Variants in COL5A2 observed in about 807,000 individuals in gnomAD.
COL5A2 encodes the protein collagen type V alpha 2 chain, also known as collagen alpha-2(V) chain.
COL5A2 carries 23 observed loss-of-function variants against 208.2 expected under a neutral mutation model. The ratio of observed to expected loss-of-function variants is 0.11; its 90% CI spans 0.08 to 0.16. The LOEUF (loss-of-function observed/expected upper bound fraction) is 0.16. Ranked by LOEUF, COL5A2 falls within the 10% of genes least tolerant of loss-of-function variation. The pLI, the probability that COL5A2 is intolerant of heterozygous loss-of-function variation, is 1.00. For synonymous variants in COL5A2, 625 were observed against 628.5 expected (o/e 0.99, Z 0.08); for missense variants, 1,590 against 1,956.4 (o/e 0.81, Z 3.53).
At chr2:189,035,185 C>A in intron 52 of COL5A2, 30 bp from the exon 53 acceptor site, 1 of 1,613,318 alleles carries the variant, frequency 6.2e-7, no homozygotes, top group Non-Finnish European at 8.5e-7. Flanking sequence ...TTGTCATACA[C>A]AAGACTGAAG....
the COL5A2 span, among the ~76,000 whole-genome samples, chr2:189,371,302 A>C: frequency 6.6e-6 from 1 of 152,162 alleles, no homozygotes; most frequent in Non-Finnish European, 1.5e-5. Context: ...GCAAAAACTG[A>C]CTAACATGGA....
chr2:189,217,571 G>T (rs1576588855), intron 1 of COL5A2, among the ~76,000 whole-genome samples: 1 of 152,216 alleles, frequency 6.6e-6, no homozygotes, highest in East Asian at 1.9e-4. Flanking sequence ...CCTAGTGTGG[G>T]AATGGCTTCC....
At chr2:189,378,492 A>C in the COL5A2 span, among the ~76,000 whole-genome samples, 1 of 152,158 alleles carries the variant, frequency 6.6e-6, no homozygotes, top group African/African-American at 2.4e-5. Context: ...TGGGAGGCCG[A>C]GGCGGGAGGA....
the COL5A2 span, among the ~76,000 whole-genome samples, chr2:189,252,554 T>C: frequency 7.8e-4 from 118 of 151,964 alleles, no homozygotes; most frequent in South Asian, 4.2e-4. Context: ...CAGGTGGGAA[T>C]TGAACAGTGA....
the COL5A2 span, among the ~76,000 whole-genome samples, chr2:189,313,392 T>C: frequency 6.6e-6 from 1 of 152,198 alleles, no homozygotes; most frequent in Non-Finnish European, 1.5e-5. Context: ...AAGCAAATGC[T>C]GAGAGAACTT....
chr2:189,282,728 T>C, the COL5A2 span, among the ~76,000 whole-genome samples: 1 of 152,186 alleles, frequency 6.6e-6, no homozygotes, highest in African/African-American at 2.4e-5. Context: ...TCTGTCTACA[T>C]TGATGCCTGG....
intron 1 of COL5A2, among the ~76,000 whole-genome samples, chr2:189,122,913 A>G (rs939874343): frequency 2.0e-5 from 3 of 152,180 alleles, no homozygotes; most frequent in African/African-American, 7.2e-5. Context: ...AAGCCACGAG[A>G]CACTAGGTAG....
At chr2:189,097,168 A>T in intron 6 of COL5A2, 109 bp downstream of exon 6, 2 of 966,852 alleles carry the variant, frequency 2.1e-6, no homozygotes, top group Non-Finnish European at 3.3e-6. Context: ...TGTAAAATTT[A>T]ATGGAGGTGA....
At chr2:189,218,244 T>G (rs537752150) in intron 1 of COL5A2, among the ~76,000 whole-genome samples, 114 of 152,302 alleles carry the variant, frequency 7.5e-4, no homozygotes, top group African/African-American at 2.6e-3. Flanking sequence ...GAATGTGACC[T>G]TATTTAGAAA....
chr2:189,258,634 G>C, the COL5A2 span, among the ~76,000 whole-genome samples: 1 of 152,148 alleles, frequency 6.6e-6, no homozygotes, highest in African/African-American at 2.4e-5. Context: ...AAGATTGTAA[G>C]GAATATGATG....
chr2:189,114,165 G>T (rs1188720287), intron 1 of COL5A2, among the ~76,000 whole-genome samples: 2 of 152,140 alleles, frequency 1.3e-5, no homozygotes, highest in African/African-American at 4.8e-5. Flanking sequence ...GCAAGGAGAC[G>T]AAAAACCACA....
the COL5A2 span, among the ~76,000 whole-genome samples, chr2:189,426,146 A>T: frequency 6.6e-6 from 1 of 152,190 alleles, no homozygotes; most frequent in Non-Finnish European, 1.5e-5. Flanking sequence ...AAGACAAGGG[A>T]AAGTTTGGAA....
At chr2:189,340,918 A>C in the COL5A2 span, among the ~76,000 whole-genome samples, 1 of 152,238 alleles carries the variant, frequency 6.6e-6, no homozygotes, top group African/African-American at 2.4e-5. Flanking sequence ...ACAGAATTAC[A>C]GGTCATTGTA....
the COL5A2 span, among the ~76,000 whole-genome samples, chr2:189,437,537 T>C: frequency 6.6e-6 from 1 of 152,212 alleles, no homozygotes; most frequent in Non-Finnish European, 1.5e-5. Context: ...GGTTTAATCA[T>C]AGCCAAAACA....
intron 1 of COL5A2, among the ~76,000 whole-genome samples, chr2:189,214,118 G>A (rs578018350): frequency 6.6e-6 from 1 of 152,002 alleles, no homozygotes; most frequent in South Asian, 2.1e-4. Flanking sequence ...TATGTAAAAT[G>A]GCATATTAAA....
At chr2:189,343,173 T>TA in the COL5A2 span, among the ~76,000 whole-genome samples, 3,656 of 151,870 alleles carry the variant, frequency 0.024, 158 homozygotes, top group African/African-American at 0.084. Context: ...TCTCTCGTGT[T>TA]AAAAAAAACA....
At chr2:189,229,876 C>A (rs1301631470), upstream of COL5A2, among the ~76,000 whole-genome samples, 1 of 151,660 alleles carries the variant, frequency 6.6e-6, no homozygotes, top group Non-Finnish European at 1.5e-5. Flanking sequence ...GCCAAAATAA[C>A]TTTGGGAAAG....
the COL5A2 span, among the ~76,000 whole-genome samples, chr2:189,336,443 T>G: frequency 1.0e-2 from 1,520 of 152,306 alleles, 19 homozygotes; most frequent in Non-Finnish European, 0.017. Context: ...TGCTCTTATT[T>G]ACAATAGCCC....
chr2:189,042,899 A>G lies in COL5A2; in HGVS notation c.3472-126T>C, dbSNP rs567335857. 2.0e-5 allele frequency: 19 copies of G among 931,078 alleles called. 1 individual carries two copies. In the South Asian group the frequency reaches 2.7e-4, roughly 13 times the overall value. 57.7% of individuals were successfully genotyped at this position (931,078 alleles called of 1,614,324 possible). ...TTTGATAAAGTCACCAATCTCTGCA[A>G]TGTCTACATGAGTTGACCAATGTTA... On this transcript the variant is annotated intron_variant, in intron 48 of 53. Coordinates refer to ENST00000374866, the MANE Select transcript of COL5A2 (RefSeq NM_000393.5).
Sources: gnomAD v4.1 joint callset for allele counts (sites outside exome capture counted in the v4.1 genomes callset) on GRCh38, gnomAD v4.1.1 for gene constraint, MANE v1.5 for transcripts, NCBI Gene and HGNC (gene_info 2026-07-23, HGNC 2026-07-21) for gene names.